Variants in USP14 observed in about 807,000 individuals in gnomAD.
The protein encoded by USP14 is ubiquitin carboxyl-terminal hydrolase 14.
In USP14, 38 loss-of-function variants were observed where a neutral mutation model predicts 76.5. The observed-to-expected ratio is 0.50, with a 90% CI of 0.38 to 0.65. The LOEUF is 0.65. USP14 is among the 30% of genes least tolerant of loss of function. The pLI is 0.00. For missense variants in USP14, 467 were observed against 586.5 expected (o/e 0.80, Z 2.10); for synonymous variants, 192 against 191.7 (o/e 1.00, Z -0.01).
chr18:200,402 A>G (rs1183809467), intron 10 of USP14, among the ~76,000 whole-genome samples: 1 of 152,158 alleles, frequency 6.6e-6, no homozygotes, highest in African/African-American at 2.4e-5. Context: ...TGCAATATAA[A>G]CTGGGATTTT....
Position 172,204 on chromosome 18 carries a change from C to T in USP14, c.195+5385C>T, listed in dbSNP as rs79166095. On this transcript the variant is annotated intron_variant, in intron 3 of 15. Transcript: ENST00000261601. ...AGTGAGCTATGATTGTGCCACTGCACTCCAATCTGAGTGACAGAGTGAGAC... is the reference window on the plus strand; with the variant it reads ...AGTGAGCTATGATTGTGCCACTGCATTCCAATCTGAGTGACAGAGTGAGAC... Among the ~76,000 whole-genome samples, 4,186 of 152,204 alleles carry T rather than the reference C, an allele frequency of 0.028. 362 individuals are homozygous for T. In the East Asian group the frequency reaches 0.31, roughly 11 times the overall value.
intron 5 of USP14, among the ~76,000 whole-genome samples, chr18:192,488 C>CCTGCCTGGGAGG (rs1313344436): frequency 6.6e-6 from 1 of 152,084 alleles, no homozygotes; most frequent in Non-Finnish European, 1.5e-5. Context: ...TTGCTTGAAC[C>CCTGCCTGGGAGG]CAGGAGGTAG....
chr18:158,607 GGCC>G lies in USP14; in HGVS notation c.-83_-81del. On this transcript the variant is annotated 5_prime_UTR_variant, in exon 1 of 16. Transcript: ENST00000261601. ...GCCGCCACCACCGCGCCTCCGCCTC[GGCC>G]GCCGCCGCAGCTGCTCCTGGTCCCC... 1.4e-6 allele frequency: 2 copies of G among 1,410,356 alleles called. No individual in the cohort carries two copies. Among genetic ancestry groups the G allele is most frequent in the Non-Finnish European group, 1.9e-6 (2 of 1,053,358 alleles). 87.4% of individuals were successfully genotyped at this position (1,410,356 alleles called of 1,614,324 possible). A position where few individuals can be genotyped will look rare whatever the true frequency, so the allele number is the denominator to read the frequency against.
At chr18:203,444 G>A (rs1910438612) in intron 12 of USP14, among the ~76,000 whole-genome samples, 1 of 150,588 alleles carries the variant, frequency 6.6e-6, no homozygotes, top group South Asian at 2.1e-4. Context: ...GTGGGGCCTA[G>A]GATATTATAT....
chr18:185,630 A>G (rs1244982263), intron 5 of USP14, among the ~76,000 whole-genome samples: 2 of 152,100 alleles, frequency 1.3e-5, no homozygotes, highest in African/African-American at 2.4e-5. Context: ...TGCTTACACT[A>G]CTTAAATTAT....
At chr18:203,808 C>T (rs1910452801) in intron 12 of USP14, among the ~76,000 whole-genome samples, 1 of 152,102 alleles carries the variant, frequency 6.6e-6, no homozygotes, top group Non-Finnish European at 1.5e-5. Flanking sequence ...GATGGGGTTT[C>T]ACCGTGGTCT....
At chr18:158,963 A>G (rs2144199666) in intron 1 of USP14, 1 of 446,636 alleles carries the variant, frequency 2.2e-6, no homozygotes, top group East Asian at 3.9e-5. Context: ...GAAGCCTCTC[A>G]AAGTCGTGAC....
At chr18:159,965 T>C (rs1280023842) in intron 1 of USP14, among the ~76,000 whole-genome samples, 2 of 152,208 alleles carry the variant, frequency 1.3e-5, no homozygotes, top group Non-Finnish European at 2.9e-5. Context: ...TATATTAAAA[T>C]GAAGAGAACA....
chr18:209,777 A>T (rs1225840768), intron 13 of USP14, among the ~76,000 whole-genome samples, 194 bp from the exon 14 acceptor site: 2 of 152,134 alleles, frequency 1.3e-5, no homozygotes, highest in Admixed American at 1.3e-4. Flanking sequence ...ACAAGATTTT[A>T]TATTGTTGAA....
chr18:214,576 C>A lies in USP14; in HGVS notation c.*3292C>A. ...CCAGTGGACCTCTTATCAAATGCTG[C>A]TTGGTAACAAAATCTATCACAGTTT... On this transcript the variant is annotated 3_prime_UTR_variant, in exon 16 of 16. Transcript: ENST00000261601. The A allele has an allele frequency of 2.7e-6, 4 of 1,481,770 alleles. No homozygotes were observed. The highest frequency in any genetic ancestry group is 3.7e-6 in the Non-Finnish European group (4 of 1,087,370). 91.8% of individuals were successfully genotyped at this position (1,481,770 alleles called of 1,614,324 possible). A position where few individuals can be genotyped will look rare whatever the true frequency, so the allele number is the denominator to read the frequency against.
At chr18:168,233 A>G (rs534642019) in intron 3 of USP14, among the ~76,000 whole-genome samples, 5 of 152,056 alleles carry the variant, frequency 3.3e-5, no homozygotes, top group South Asian at 2.1e-4. Context: ...GCCAAAATAC[A>G]GTTGATTTTT....
Position 180,227 on chromosome 18 carries a change from T to TTC in USP14, c.301-9_301-8insTC. On this transcript the variant is annotated splice_polypyrimidine_tract_variant and intron_variant, in intron 4 of 15. Coordinates refer to ENST00000261601, the MANE Select transcript of USP14 (RefSeq NM_005151.4). ...GATTTAATCCTTTTTTTTTTTTTTT[T>TTC]CCAACTAGATGGAGTTACCATGTGG... is the stretch of plus-strand genomic sequence containing the variant. 1 of 1,393,802 alleles carries TTC rather than the reference T, an allele frequency of 7.2e-7. No individual in the cohort carries two copies. Among genetic ancestry groups the TTC allele is most frequent in the Non-Finnish European group, 9.7e-7 (1 of 1,034,018 alleles). The allele number at this position is 1,393,802 out of a possible 1,614,324, so 86.3% of individuals were successfully genotyped here.
At chr18:189,587 A>T (rs1201220248) in intron 5 of USP14, among the ~76,000 whole-genome samples, 1 of 151,752 alleles carries the variant, frequency 6.6e-6, no homozygotes, top group African/African-American at 2.4e-5. Context: ...GGTTCAAGTG[A>T]TTCTCCTACC....
intron 2 of USP14, among the ~76,000 whole-genome samples, chr18:165,592 G>C (rs1286849168): frequency 6.6e-6 from 1 of 152,118 alleles, no homozygotes; most frequent in Non-Finnish European, 1.5e-5. Context: ...TTAATTCTCA[G>C]CTGTATGTTA....
chr18:177,422 TAAA>T (rs550087165), intron 3 of USP14, among the ~76,000 whole-genome samples: 13 of 108,620 alleles, frequency 1.2e-4, no homozygotes, highest in Admixed American at 1.0e-4. Flanking sequence ...TCCCTGTCTC[TAAA>T]AAAAAAAAAA....
At chr18:210,203 C>G (rs1218485968) in intron 14 of USP14, 172 bp downstream of exon 14, 1 of 695,474 alleles carries the variant, frequency 1.4e-6, no homozygotes, top group Non-Finnish European at 2.4e-6. Context: ...GCATACAGTT[C>G]TATGAGTAAG....
chr18:182,542 T>G (rs1389391227), intron 5 of USP14, among the ~76,000 whole-genome samples: 3 of 152,188 alleles, frequency 2.0e-5, no homozygotes, highest in Non-Finnish European at 4.4e-5. Flanking sequence ...AGCTGATATA[T>G]TATCAGTGAA....
In USP14 at chr18:213,144, A is replaced by G. The variant is rs1441758146; in HGVS notation, c.*1860A>G. The stretch of plus-strand genomic sequence containing the variant: ...CATGTATATTTGTATGATGCTTGTA[A>G]CTTTGCAAAGTCTTTTTTATTCATT... On this transcript the variant is annotated 3_prime_UTR_variant, in exon 16 of 16. Transcript: ENST00000261601. 1 of 151,852 alleles carries G rather than the reference A, an allele frequency of 6.6e-6. No individual in the cohort carries two copies. Among genetic ancestry groups the G allele is most frequent in the Non-Finnish European group, 1.5e-5 (1 of 68,034 alleles). 9.4% of individuals were successfully genotyped at this position (151,852 alleles called of 1,614,324 possible). A position where few individuals can be genotyped will look rare whatever the true frequency, so the allele number is the denominator to read the frequency against.
At chr18:204,771 TC>T in intron 13 of USP14, 79 bp downstream of exon 13, 1 of 1,529,038 alleles carries the variant, frequency 6.5e-7, no homozygotes, top group African/African-American at 1.4e-5. Context: ...GTCTTTTTTT[TC>T]CTGCTTCATT....
Sources: gnomAD v4.1 joint callset for allele counts (sites outside exome capture counted in the v4.1 genomes callset) on GRCh38, gnomAD v4.1.1 for gene constraint, MANE v1.5 for transcripts, NCBI Gene and HGNC (gene_info 2026-07-23, HGNC 2026-07-21) for gene names.